TMEM135: variants seen among roughly 807,000 people sequenced by gnomAD.
TMEM135 encodes the protein transmembrane protein 135, also known as peroxisomal membrane protein 52.
TMEM135 carries 30 observed loss-of-function variants against 60.3 expected under a neutral mutation model. The observed-to-expected ratio is 0.50, with a 90% confidence interval of 0.37 to 0.68. The LOEUF is 0.68. Among genes scored for constraint, TMEM135 ranks in the 30% least tolerant of loss-of-function variants. The probability of loss-of-function intolerance (pLI) is 0.00; values close to 1 mark genes in which losing one functional copy is unlikely to be tolerated. For missense variants in TMEM135, 468 were observed against 548.8 expected (o/e 0.85, Z 1.47); for synonymous variants, 190 against 186.7 (o/e 1.02, Z -0.14).
intron 4 of TMEM135, among the ~76,000 whole-genome samples, chr11:87,107,566 C>T (rs1857630049): frequency 6.6e-6 from 1 of 152,110 alleles, no homozygotes; most frequent in African/African-American, 2.4e-5. Flanking sequence ...TTTCCAGCTT[C>T]ATCCATGTCC....
intron 7 of TMEM135, among the ~76,000 whole-genome samples, chr11:87,300,559 A>G (rs902398480): frequency 6.6e-6 from 1 of 152,220 alleles, no homozygotes; most frequent in Admixed American, 6.5e-5. Flanking sequence ...TGTTGTGAGG[A>G]TTACATGAAT....
At chr11:87,134,062 G>A (rs1033779815) in intron 4 of TMEM135, among the ~76,000 whole-genome samples, 2 of 151,718 alleles carry the variant, frequency 1.3e-5, no homozygotes, top group Non-Finnish European at 2.9e-5. Flanking sequence ...AGTTTTCTAG[G>A]GCTGCCATAA....
At chr11:87,074,162 C>T (rs1200837673) in intron 3 of TMEM135, among the ~76,000 whole-genome samples, 3 of 152,104 alleles carry the variant, frequency 2.0e-5, no homozygotes, top group Admixed American at 1.3e-4. Context: ...GATGGGGTTT[C>T]GCCATGTTGG....
At position 87,327,746 on chromosome 11, in the gene TMEM135, C is replaced by T. The variant is rs1395590844; in HGVS notation, c.*6413C>T. ...AATTCTCAGTCCAAGGCTGAATTTT[C>T]AAGTCTGAGAACCTGGGGGTGGGAT... On this transcript the variant is annotated 3_prime_UTR_variant, in exon 15 of 15. Transcript: ENST00000305494. 4.4e-6 allele frequency: 2 copies of T among 453,980 alleles called. No homozygotes were observed. Among genetic ancestry groups the T allele is most frequent in the Admixed American group, 4.7e-5 (2 of 42,548 alleles). The allele number at this position is 453,980 out of a possible 1,614,324, so 28.1% of individuals were successfully genotyped here.
At chr11:87,217,784 C>CA (rs143712597) in intron 5 of TMEM135, among the ~76,000 whole-genome samples, 210 of 135,882 alleles carry the variant, frequency 1.5e-3, no homozygotes, top group South Asian at 0.014. Flanking sequence ...AACTCTGTCT[C>CA]AAAAAAAAAA....
chr11:87,138,769 G>T (rs564449614), intron 4 of TMEM135, among the ~76,000 whole-genome samples: 1 of 152,214 alleles, frequency 6.6e-6, no homozygotes. Flanking sequence ...ACAGGTGCAA[G>T]AGCACTCATC....
chr11:87,053,423 C>G (rs546096874), intron 1 of TMEM135, among the ~76,000 whole-genome samples: 1 of 152,064 alleles, frequency 6.6e-6, no homozygotes, highest in Admixed American at 6.6e-5. Flanking sequence ...GTGGTAAGAC[C>G]TTGACAATAG....
At chr11:87,063,855 A>G (rs1856590895) in intron 1 of TMEM135, among the ~76,000 whole-genome samples, 1 of 152,190 alleles carries the variant, frequency 6.6e-6, no homozygotes, top group Non-Finnish European at 1.5e-5. Context: ...TATGTACTTT[A>G]CTGTTAATGG....
At chr11:87,259,674 AGC>A (rs1371907248) in intron 6 of TMEM135, among the ~76,000 whole-genome samples, 1 of 152,252 alleles carries the variant, frequency 6.6e-6, no homozygotes, top group Non-Finnish European at 1.5e-5. Context: ...TAAAATTCAC[AGC>A]AAAACAGAAT....
At chr11:87,134,001 T>C (rs1055790483) in intron 4 of TMEM135, among the ~76,000 whole-genome samples, 4 of 134,808 alleles carry the variant, frequency 3.0e-5, no homozygotes, top group Non-Finnish European at 4.6e-5. Flanking sequence ...CAAGTCATTG[T>C]ATGGGCATAT....
chr11:87,224,128 T>G (rs1940714320), intron 5 of TMEM135, among the ~76,000 whole-genome samples: 1 of 152,228 alleles, frequency 6.6e-6, no homozygotes. Context: ...GTTATACTAA[T>G]ATGTGAGTAA....
At position 87,276,452 on chromosome 11, in the gene TMEM135, A is replaced by C. The variant is rs528801319; in HGVS notation, c.510-19330A>C. 2.6e-5 allele frequency among the ~76,000 whole-genome samples: 4 copies of C among 152,020 alleles called. No individual in the cohort carries two copies. In the South Asian group the frequency reaches 8.3e-4, roughly 32 times the overall value. On this transcript the variant is annotated intron_variant, in intron 6 of 14. Coordinates refer to ENST00000305494, the MANE Select transcript of TMEM135 (RefSeq NM_022918.4). ...AGCTCTGATCAGGTCTTCTTACTTT[A>C]ATCTTAGACTTTTAGCCAATTTTGT...
At chr11:87,129,643 C>G (rs761458382) in intron 4 of TMEM135, among the ~76,000 whole-genome samples, 1 of 150,140 alleles carries the variant, frequency 6.7e-6, no homozygotes, top group East Asian at 2.0e-4. Context: ...CGGGTTCAAG[C>G]AATTCTTGTG....
rs555136124 is a variant in TMEM135, at chr11:87,313,558, T to C, written c.1000+70T>C. On this transcript the variant is annotated intron_variant, in intron 11 of 14. Transcript: ENST00000305494. ...TGGTAGGAATGAATTGGAAATACCA[T>C]CCAATTCATCCAATTTCTATGAATC... 451 of 1,218,670 alleles carry C rather than the reference T, an allele frequency of 3.7e-4. 2 individuals carry two copies. The African/African-American group carries it at 5.9e-3, about 16-fold the overall frequency. 75.5% of individuals were successfully genotyped at this position (1,218,670 alleles called of 1,614,324 possible). A position where few individuals can be genotyped will look rare whatever the true frequency, so the allele number is the denominator to read the frequency against.
chr11:87,316,467 T>C (rs1942731204), intron 12 of TMEM135, among the ~76,000 whole-genome samples: 1 of 152,048 alleles, frequency 6.6e-6, no homozygotes, highest in African/African-American at 2.4e-5. Context: ...GAAATGACAG[T>C]ATTTAATTCA....
intron 6 of TMEM135, chr11:87,259,063 A>G: frequency 7.6e-7 from 1 of 1,315,102 alleles, no homozygotes; most frequent in Non-Finnish European, 1.1e-6. Context: ...GTGAGCCACA[A>G]AGAGGGAGAG....
chr11:87,055,119 G>C (rs184971625), intron 1 of TMEM135, among the ~76,000 whole-genome samples: 1 of 152,264 alleles, frequency 6.6e-6, no homozygotes. Flanking sequence ...TTACTAGGCT[G>C]TTTACAAGAG....
chr11:87,111,731 C>T lies in TMEM135; in HGVS notation c.396+20336C>T, dbSNP rs957918707. 2.6e-5 allele frequency among the ~76,000 whole-genome samples: 4 copies of T among 151,624 alleles called. No homozygotes were observed. In the East Asian group the frequency reaches 5.8e-4, roughly 22 times the overall value. ...CTTTGTATTCAGTGAATTATACCCA[C>T]ATAGAAATATAGCTTGTGTTTGTTT... On this transcript the variant is annotated intron_variant, in intron 4 of 14. Coordinates refer to ENST00000305494, the MANE Select transcript of TMEM135 (RefSeq NM_022918.4).
intron 4 of TMEM135, among the ~76,000 whole-genome samples, chr11:87,098,142 ATTTTT>A (rs11368149): frequency 6.8e-6 from 1 of 147,986 alleles, no homozygotes. Flanking sequence ...GAGGTTGCAA[ATTTTT>A]TTTTTTTTTG....
Sources: gnomAD v4.1 joint callset for allele counts (sites outside exome capture counted in the v4.1 genomes callset) on GRCh38, gnomAD v4.1.1 for gene constraint, MANE v1.5 for transcripts, NCBI Gene and HGNC (gene_info 2026-07-23, HGNC 2026-07-21) for gene names.